The following MED13 variants were observed in gnomAD, a reference collection of about 807,000 sequenced individuals.
MED13 encodes mediator complex subunit 13, also known as mediator of RNA polymerase II transcription subunit 13.
A neutral mutation model predicts 225.2 loss-of-function variants in MED13; 23 were observed. The ratio of observed to expected loss-of-function variants is 0.10; its 90% CI spans 0.07 to 0.14. The LOEUF (loss-of-function observed/expected upper bound fraction) is 0.14, where lower values mean the gene tolerates loss of function less well. MED13 is among the 10% of genes least tolerant of loss of function. MED13 has a pLI of 1.00. For synonymous variants in MED13, 942 were observed against 889.2 expected, an observed-to-expected ratio of 1.06 and a Z score of -1.06; for missense variants, 2,197 against 2,594.5, an observed-to-expected ratio of 0.85 and a Z score of 3.33.
In MED13 at chr17:61,982,339, G is replaced by A. The variant is rs768571932; in HGVS notation, c.3664C>T (p.Arg1222Cys). 6.8e-6 allele frequency: 11 copies of A among 1,613,992 alleles called. No homozygotes were observed. The highest frequency in any genetic ancestry group is 8.5e-6 in the Non-Finnish European group (10 of 1,180,026). The change falls in exon 16 of 30, where the codon CGT (arginine) becomes TGT (cysteine). Residue 1222 changes from arginine (R) to cysteine (C), a missense_variant. Arg to Cys is a radical substitution (Grantham distance 180, BLOSUM62 -3). Transcript: ENST00000397786. ...TTGCAACAGTCACGCTCTTCAACACGTACCCAATTGCTAATTACACCACTT... is the reference window on the plus strand; with the variant it reads ...TTGCAACAGTCACGCTCTTCAACACATACCCAATTGCTAATTACACCACTT... Reference protein sequence around the residue: ...PKSGVISNWVRVEERDCCNDC... With the variant: ...PKSGVISNWVCVEERDCCNDC...
chr17:61,990,627 G>GTATATATATATATA (rs5821345), intron 11 of MED13, among the ~76,000 whole-genome samples: 42 of 138,998 alleles, frequency 3.0e-4, no homozygotes, highest in African/African-American at 1.1e-3. Context: ...GGCGCACTGT[G>GTATATATATATATA]TATATATATA....
At chr17:61,969,932 A>G (rs1326648118) in intron 17 of MED13, among the ~76,000 whole-genome samples, 1 of 152,156 alleles carries the variant, frequency 6.6e-6, no homozygotes, top group African/African-American at 2.4e-5. Flanking sequence ...AAAATTTTTA[A>G]AAGAAAATGA....
intron 23 of MED13, among the ~76,000 whole-genome samples, chr17:61,959,311 G>A (rs377369813): frequency 6.6e-6 from 1 of 152,190 alleles, no homozygotes; most frequent in East Asian, 1.9e-4. Flanking sequence ...ACCATGCCCA[G>A]CCCCATCATT....
At position 61,965,102 on chromosome 17, in the gene MED13, T is replaced by A; in HGVS notation, c.4748A>T (p.Gln1583Leu). ...AGCTGATGTCTGTTGCCCTCCTAGC[T>A]GACCACTCTGAACTGTATTTGCTTG... ...STQANTVQSG[Q>L]LGGQQTSALQ... The change falls in exon 20 of 30, where the codon CAG (glutamine) becomes CTG (leucine). Residue 1583 changes from glutamine to leucine, a missense_variant. Physicochemically the swap from Gln to Leu is moderately radical, Grantham distance 113. Around this residue, in one of 12 missense-constraint regions of MED13, gnomAD observed 457 missense variants for 442.2 expected, o/e 1.03. Transcript: ENST00000397786. The A allele has an allele frequency of 1.9e-6, 3 of 1,614,242 alleles. No homozygotes were observed. Among genetic ancestry groups the A allele is most frequent in the Non-Finnish European group, 2.5e-6 (3 of 1,180,038 alleles).
intron 11 of MED13, among the ~76,000 whole-genome samples, chr17:61,989,105 GGATTCAAGC>G (rs1363672893): frequency 4.0e-5 from 6 of 149,328 alleles, no homozygotes; most frequent in Middle Eastern, 7.3e-3. Flanking sequence ...TCTGTCTCCC[GGATTCAAGC>G]GATTCTCCTG....
chr17:61,984,342 T>C lies in MED13; in HGVS notation c.2717A>G (p.Glu906Gly). Residue 906 changes from glutamate to glycine, a missense_variant, in exon 15 of 30, where the codon GAA (glutamate) becomes GGA (glycine). Glu to Gly is a moderately conservative substitution (Grantham distance 98, BLOSUM62 -2). Around this residue, in one of 12 missense-constraint regions of MED13, gnomAD observed 160 missense variants for 184.8 expected, o/e 0.87. Transcript: ENST00000397786. ...IKDFSYVYKPENCQILVGCSM... is the reference protein window; with the variant it reads ...IKDFSYVYKPGNCQILVGCSM... ...ACATCCCACTAGAATTTGACAATTTTCAGGCTTATAGACATAAGAAAAATC... is the reference window on the plus strand; with the variant it reads ...ACATCCCACTAGAATTTGACAATTTCCAGGCTTATAGACATAAGAAAAATC... 1 of 1,596,578 alleles carries C rather than the reference T, an allele frequency of 6.3e-7. No individual in the cohort carries two copies. The highest frequency in any genetic ancestry group is 8.5e-7 in the Non-Finnish European group (1 of 1,173,962).
intron 13 of MED13, 23 bp downstream of exon 13, chr17:61,984,977 G>C: frequency 6.2e-7 from 1 of 1,609,822 alleles, no homozygotes; most frequent in Non-Finnish European, 8.5e-7. Context: ...AATTTATCTC[G>C]AGCACAGATG....
chr17:62,037,353 T>C (rs1199961942), intron 3 of MED13, among the ~76,000 whole-genome samples: 1 of 151,944 alleles, frequency 6.6e-6, no homozygotes, highest in Non-Finnish European at 1.5e-5. Context: ...ACAAAAACCT[T>C]ATCATTCTTG....
intron 16 of MED13, among the ~76,000 whole-genome samples, chr17:61,973,646 C>A (rs767966437): frequency 6.6e-6 from 1 of 152,104 alleles, no homozygotes; most frequent in Non-Finnish European, 1.5e-5. Context: ...TCGTTATTAC[C>A]TTTGCCTAGT....
intron 9 of MED13, chr17:62,007,425 G>C (rs1330300596): frequency 1.3e-5 from 2 of 152,112 alleles, no homozygotes; most frequent in African/African-American, 4.8e-5. Context: ...CAGAATTCAA[G>C]AAAGTTGAGA....
Position 61,961,075 on chromosome 17 carries a change from G to A in MED13, c.5272C>T (p.Arg1758Ter). The change falls in exon 23 of 30, where the codon CGA becomes TGA. Residue 1758 changes from arginine (R) to a stop codon, truncating the protein, a stop_gained. Transcript: ENST00000397786. LOFTEE classifies it high-confidence loss of function. ...LRSPDRPECI[R>*]LYAPPFILAP... ...AGAATAAAAGGAGGTGCATAAAGTC[G>A]AATACACTCTGGTCTCTATAAAATA... The A allele has an allele frequency of 6.2e-7, 1 of 1,612,980 alleles. No individual in the cohort carries two copies. The highest frequency in any genetic ancestry group is 8.5e-7 in the Non-Finnish European group (1 of 1,179,354).
intron 8 of MED13, among the ~76,000 whole-genome samples, chr17:62,017,352 A>G (rs533243453): frequency 6.6e-6 from 1 of 152,232 alleles, no homozygotes; most frequent in Admixed American, 6.5e-5. Flanking sequence ...TAAATGATTA[A>G]TTCAATTAAC....
chr17:62,040,324 C>T (rs145218379), intron 3 of MED13, among the ~76,000 whole-genome samples: 3 of 152,232 alleles, frequency 2.0e-5, no homozygotes, highest in East Asian at 1.9e-4. Flanking sequence ...TCTCCATGAG[C>T]TCACACTACA....
At chr17:62,054,636 A>T (rs2080982937) in intron 2 of MED13, among the ~76,000 whole-genome samples, 2 of 152,192 alleles carry the variant, frequency 1.3e-5, no homozygotes, top group Admixed American at 1.3e-4. Flanking sequence ...AAAGAATCTC[A>T]ATTGATCTGC....
At chr17:62,064,864 A>T (rs1445333252) in intron 1 of MED13, among the ~76,000 whole-genome samples, 1 of 152,226 alleles carries the variant, frequency 6.6e-6, no homozygotes, top group African/African-American at 2.4e-5. Flanking sequence ...CTGTCCTGCC[A>T]GATAAGGAGC....
intron 9 of MED13, among the ~76,000 whole-genome samples, chr17:61,999,766 A>G (rs2080377950): frequency 1.3e-5 from 2 of 152,140 alleles, no homozygotes; most frequent in Admixed American, 1.3e-4. Flanking sequence ...TAATCAGAAA[A>G]ATCAAGAGGG....
Position 61,952,972 on chromosome 17 carries a change from G to GCAT in MED13, c.6107_6109dup (p.Asp2036dup). 1.2e-6 allele frequency: 2 copies of GCAT among 1,612,286 alleles called. No homozygotes were observed. Among genetic ancestry groups the GCAT allele is most frequent in the Non-Finnish European group, 1.7e-6 (2 of 1,179,348 alleles). ...AACTTGTAACACAGTTACCTTGCCC[G>GCAT]CATCACCTCCATGGGGGTAATGAGA... On this transcript the variant is annotated inframe_insertion, in exon 27 of 30. Transcript: ENST00000397786.
chr17:61,955,527 A>G lies in MED13; in HGVS notation c.5823T>C (p.Thr1941=). The part of the protein sequence containing the change: ...STGSVFGRST[T]LNMQTSQLNT... ...TTAGCTGAGATGTCTGCATATTTAG[A>G]GTCGTGCTTCTTCCAAATACAGAAC... is the stretch of plus-strand genomic sequence containing the variant. Residue 1941 remains threonine, a synonymous_variant, in exon 26 of 30, where the codon ACT becomes ACC. Transcript: ENST00000397786. The G allele has an allele frequency of 6.3e-7, 1 of 1,578,334 alleles. No individual in the cohort carries two copies. Among genetic ancestry groups the G allele is most frequent in the Non-Finnish European group, 8.6e-7 (1 of 1,167,786 alleles).
chr17:62,047,893 A>G (rs1395716653), intron 3 of MED13, among the ~76,000 whole-genome samples: 1 of 151,642 alleles, frequency 6.6e-6, no homozygotes, highest in Non-Finnish European at 1.5e-5. Flanking sequence ...TTCAATTATC[A>G]ATAGCCTTTT....
Sources: gnomAD v4.1 joint callset for allele counts (sites outside exome capture counted in the v4.1 genomes callset) on GRCh38, gnomAD v4.1.1 for gene constraint, gnomAD v4.1.1 regional missense constraint, MANE v1.5 for transcripts, NCBI Gene and HGNC (gene_info 2026-07-23, HGNC 2026-07-21) for gene names.